The following USP6NL variants were observed in gnomAD, a reference collection of about 807,000 sequenced individuals.
USP6NL encodes USP6 N-terminal like.
USP6NL carries 26 observed loss-of-function variants against 61.9 expected under a neutral mutation model. That is an observed-to-expected ratio of 0.42 (90% CI 0.31 to 0.58). The LOEUF (loss-of-function observed/expected upper bound fraction) is 0.58, where lower values mean the gene tolerates loss of function less well. USP6NL is among the 20% of genes least tolerant of loss of function. The pLI is 0.16. For missense variants in USP6NL, 1,114 were observed against 1,034.3 expected, an observed-to-expected ratio of 1.08 and a Z score of -1.06; for synonymous variants, 432 against 390.1, an observed-to-expected ratio of 1.11 and a Z score of -1.27.
intron 7 of USP6NL, among the ~76,000 whole-genome samples, chr10:11,498,941 A>G (rs1190663589): frequency 2.6e-5 from 4 of 152,192 alleles, no homozygotes; most frequent in African/African-American, 9.7e-5. Context: ...CCTCCAACCT[A>G]GAAGAAAAGA....
At chr10:11,527,351 G>A in intron 3 of USP6NL, 149 bp downstream of exon 3, 1 of 649,314 alleles carries the variant, frequency 1.5e-6, no homozygotes, top group Non-Finnish European at 2.6e-6. Context: ...AAGAAAGACA[G>A]GAGATGAAGT....
At chr10:11,466,776 T>A (rs912531442) in intron 14 of USP6NL, among the ~76,000 whole-genome samples, 2 of 152,204 alleles carry the variant, frequency 1.3e-5, no homozygotes, top group Non-Finnish European at 2.9e-5. Flanking sequence ...TACAGCCTAC[T>A]ACTCCTCAGC....
In USP6NL at chr10:11,562,428, C is replaced by T. The variant is rs1255262084; in HGVS notation, c.5-34861G>A. ...TTTTTCTTCTTGCTTGGCTCTTGGACCTAAGGATGAAGACGCAGCAGTCAT... is the reference window on the plus strand; with the variant it reads ...TTTTTCTTCTTGCTTGGCTCTTGGATCTAAGGATGAAGACGCAGCAGTCAT... On this transcript the variant is annotated intron_variant, in intron 2 of 14. Coordinates refer to ENST00000609104, the MANE Select transcript of USP6NL (RefSeq NM_014688.5). This position sits in a 1 kb window ranked among gnomAD's most constrained non-coding sequence, Gnocchi z 4.8. 1.0e-6 allele frequency: 1 copy of T among 985,202 alleles called. No individual in the cohort carries two copies. Among genetic ancestry groups the T allele is most frequent in the African/African-American group, 1.7e-5 (1 of 57,170 alleles). 61.0% of individuals were successfully genotyped at this position (985,202 alleles called of 1,614,324 possible). A position where few individuals can be genotyped will look rare whatever the true frequency, so the allele number is the denominator to read the frequency against.
intron 2 of USP6NL, among the ~76,000 whole-genome samples, chr10:11,567,396 A>G (rs1194314037): frequency 6.6e-6 from 1 of 152,204 alleles, no homozygotes; most frequent in Non-Finnish European, 1.5e-5. Flanking sequence ...TCTTTAAAAC[A>G]TTATTAAATT....
intron 14 of USP6NL, among the ~76,000 whole-genome samples, chr10:11,471,914 A>G (rs1397867185): frequency 6.6e-6 from 1 of 151,448 alleles, no homozygotes; most frequent in Non-Finnish European, 1.5e-5. Flanking sequence ...AACATGGCAC[A>G]TGTATACATA....
At chr10:11,472,570 C>G (rs149715931) in intron 14 of USP6NL, among the ~76,000 whole-genome samples, 261 of 152,322 alleles carry the variant, frequency 1.7e-3, no homozygotes, top group African/African-American at 5.5e-3. Flanking sequence ...TTCTACTATT[C>G]TAGGAAAGAG....
At chr10:11,586,517 T>C (rs1441068329) in intron 2 of USP6NL, among the ~76,000 whole-genome samples, 1 of 152,148 alleles carries the variant, frequency 6.6e-6, no homozygotes, top group Non-Finnish European at 1.5e-5. Flanking sequence ...CAATTAATGT[T>C]AGAAATCCAA....
rs1240521030 is a variant in USP6NL, at chr10:11,511,634, C to T, written c.196-1959G>A. ...TTATGACCATGAATTATCAATGAATCACTTTAGGAAGCAGTCATTTTTTTA... is the reference window on the plus strand; with the variant it reads ...TTATGACCATGAATTATCAATGAATTACTTTAGGAAGCAGTCATTTTTTTA... On this transcript the variant is annotated intron_variant, in intron 5 of 14. Transcript: ENST00000609104. This position sits in a 1 kb window ranked among gnomAD's most constrained non-coding sequence, Gnocchi z 4.9. 2.0e-5 allele frequency among the ~76,000 whole-genome samples: 3 copies of T among 152,110 alleles called. No homozygotes were observed. The highest frequency in any genetic ancestry group is 7.2e-5 in the African/African-American group (3 of 41,412).
Position 11,489,042 on chromosome 10 carries a change from T to G in USP6NL, c.664+60A>C, listed in dbSNP as rs1833598100. 1 of 1,589,886 alleles carries G rather than the reference T, an allele frequency of 6.3e-7. No homozygotes were observed. Among genetic ancestry groups the G allele is most frequent in the East Asian group, 2.2e-5 (1 of 44,472 alleles). ...TAACTCTTGCAAGCATCTTTGGTTTTGTTTTAATCTACTTTTTTCCCTACC... is the reference window on the plus strand; with the variant it reads ...TAACTCTTGCAAGCATCTTTGGTTTGGTTTTAATCTACTTTTTTCCCTACC... On this transcript the variant is annotated intron_variant, in intron 10 of 14. Transcript: ENST00000609104. The surrounding 1 kb of genome is among the most constrained non-coding windows in gnomAD (Gnocchi z 5.7).
chr10:11,550,262 AT>A (rs1178015196), intron 2 of USP6NL, among the ~76,000 whole-genome samples: 6 of 152,232 alleles, frequency 3.9e-5, no homozygotes, highest in African/African-American at 1.4e-4. Context: ...AGAAAAGCTG[AT>A]AAAAATAGAG....
intron 7 of USP6NL, 34 bp from the exon 8 acceptor site, chr10:11,493,262 T>C: frequency 1.9e-6 from 3 of 1,539,874 alleles, no homozygotes; most frequent in Non-Finnish European, 2.7e-6. Context: ...AACAGATTTT[T>C]ATGGAAATTA....
Position 11,600,813 on chromosome 10 carries a change from T to G in USP6NL, c.-83-3096A>C, listed in dbSNP as rs1838499143. On this transcript the variant is annotated intron_variant, in intron 1 of 14. Coordinates refer to ENST00000609104, the MANE Select transcript of USP6NL (RefSeq NM_014688.5). The surrounding 1 kb of genome is among the most constrained non-coding windows in gnomAD (Gnocchi z 4.1). Reference sequence around the variant, plus strand: ...TGAAACCCTGTCTCTACTAAAAATATAAAAATTAGCTGGGCGTGGTGGCAG... The same window carrying G: ...TGAAACCCTGTCTCTACTAAAAATAGAAAAATTAGCTGGGCGTGGTGGCAG... Among the ~76,000 whole-genome samples the G allele has an allele frequency of 6.6e-6, 1 of 151,750 alleles. No individual in the cohort carries two copies. The highest frequency in any genetic ancestry group is 1.5e-5 in the Non-Finnish European group (1 of 67,892).
At chr10:11,521,938 A>G in intron 4 of USP6NL, among the ~76,000 whole-genome samples, 1 of 152,218 alleles carries the variant, frequency 6.6e-6, no homozygotes, top group East Asian at 1.9e-4. Flanking sequence ...GTAGACTAGC[A>G]GTGACTATTT....
At chr10:11,564,677 A>C (rs543212124) in intron 2 of USP6NL, 21 of 152,330 alleles carry the variant, frequency 1.4e-4, no homozygotes, top group African/African-American at 4.8e-4. Context: ...ACTCTAAAGC[A>C]TTTCCAGGTG....
chr10:11,577,549 G>A (rs540200388), intron 2 of USP6NL, among the ~76,000 whole-genome samples: 19 of 152,126 alleles, frequency 1.2e-4, no homozygotes, highest in Middle Eastern at 3.4e-3. Context: ...CAGCCAAGCC[G>A]GAGTGCAATG....
chr10:11,477,642 T>C (rs149662428), intron 14 of USP6NL, among the ~76,000 whole-genome samples: 42 of 152,346 alleles, frequency 2.8e-4, no homozygotes, highest in African/African-American at 8.7e-4. Context: ...CACAGACGTT[T>C]TGGTTAACTG....
rs1384760468 is a variant in USP6NL, at chr10:11,510,812, TC to T, written c.196-1138del. On this transcript the variant is annotated intron_variant, in intron 5 of 14. Coordinates refer to ENST00000609104, the MANE Select transcript of USP6NL (RefSeq NM_014688.5). This position sits in a 1 kb window ranked among gnomAD's most constrained non-coding sequence, Gnocchi z 4.8. Reference sequence around the variant, plus strand: ...AGGCACAAAGGGCTTAAGGGACTTGTCCCAAGTCACCCCTCTCATAAGTGGT... The same window carrying T: ...AGGCACAAAGGGCTTAAGGGACTTGTCCAAGTCACCCCTCTCATAAGTGGT... Among the ~76,000 whole-genome samples the T allele has an allele frequency of 1.3e-5, 2 of 152,218 alleles. No individual in the cohort carries two copies. Among genetic ancestry groups the T allele is most frequent in the Non-Finnish European group, 1.5e-5 (1 of 68,034 alleles).
rs2133258521 is a variant in USP6NL, at chr10:11,489,836, A to G, written c.544-614T>C. The stretch of plus-strand genomic sequence containing the variant: ...CAGACACTGTCTCTATGAAATGTGA[A>G]CAAAGCCAGAGACTGTAATCAGATG... On this transcript the variant is annotated intron_variant, in intron 9 of 14. Transcript: ENST00000609104. The surrounding 1 kb of genome is among the most constrained non-coding windows in gnomAD (Gnocchi z 5.7). Among the ~76,000 whole-genome samples the G allele has an allele frequency of 6.6e-6, 1 of 152,370 alleles. No individual in the cohort carries two copies. Among genetic ancestry groups the G allele is most frequent in the Middle Eastern group, 3.4e-3 (1 of 294 alleles).
At chr10:11,504,561 G>A (rs1169190356) in intron 6 of USP6NL, among the ~76,000 whole-genome samples, 1 of 152,174 alleles carries the variant, frequency 6.6e-6, no homozygotes, top group African/African-American at 2.4e-5. Flanking sequence ...AAAAATTACC[G>A]CTTTATTAAA....
Sources: allele counts gnomAD v4.1 joint callset (sites outside exome capture counted in the v4.1 genomes callset), GRCh38; gene constraint gnomAD v4.1.1; non-coding constraint Gnocchi (gnomAD v3.1); transcripts MANE v1.5; gene names NCBI Gene and HGNC (gene_info 2026-07-23, HGNC 2026-07-21).